CPLX1: variants seen among roughly 807,000 people sequenced by gnomAD.
CPLX1 encodes the protein complexin-1.
In CPLX1, 6 loss-of-function variants were observed where a neutral mutation model predicts 15.6. The observed-to-expected ratio is 0.39, with a 90% confidence interval of 0.21 to 0.76. The LOEUF (loss-of-function observed/expected upper bound fraction) is 0.76, where lower values mean the gene tolerates loss of function less well. Ranked by LOEUF, CPLX1 falls within the 30% of genes least tolerant of loss-of-function variation. The pLI is 0.43. For synonymous variants in CPLX1, 91 were observed against 75.2 expected (o/e 1.21, Z -1.08); for missense variants, 242 against 188.6 (o/e 1.28, Z -1.66).
chr4:824,462 C>T (rs1332086936), intron 2 of CPLX1, 30 bp downstream of exon 2: 5 of 1,600,916 alleles, frequency 3.1e-6, no homozygotes, highest in Non-Finnish European at 3.4e-6. Flanking sequence ...GTCCCCTCAG[C>T]CCCTCCCCAC....
intron 2 of CPLX1, among the ~76,000 whole-genome samples, chr4:792,980 C>G (rs1467095969): frequency 5.3e-5 from 8 of 152,144 alleles, no homozygotes; most frequent in African/African-American, 1.9e-4. Context: ...CGTGGTCGTA[C>G]ATCTGTATGT....
chr4:816,922 A>G (rs1418963416), intron 2 of CPLX1, among the ~76,000 whole-genome samples: 1 of 152,198 alleles, frequency 6.6e-6, no homozygotes, highest in East Asian at 1.9e-4. Context: ...ACACTGCATC[A>G]TTTTCAACTC....
chr4:817,724 G>A (rs1384861345), intron 2 of CPLX1, among the ~76,000 whole-genome samples: 2 of 151,580 alleles, frequency 1.3e-5, no homozygotes, highest in African/African-American at 4.9e-5. Flanking sequence ...CTTCCCTCAC[G>A]CCCCCTTGGC....
At chr4:789,976 C>T (rs1406442872) in intron 3 of CPLX1, among the ~76,000 whole-genome samples, 1 of 82,932 alleles carries the variant, frequency 1.2e-5, no homozygotes, top group Non-Finnish European at 2.4e-5. Context: ...CAGGTGGCCA[C>T]GCCTGAAGGC....
intron 2 of CPLX1, among the ~76,000 whole-genome samples, chr4:798,404 TAGTCC>T (rs202029887): frequency 0.01 from 1,511 of 150,476 alleles, 29 homozygotes; most frequent in African/African-American, 0.035. Context: ...AGGGTGAGGA[TAGTCC>T]TTACTTCTGT....
chr4:797,612 C>T (rs2152644547), intron 2 of CPLX1, among the ~76,000 whole-genome samples: 1 of 151,678 alleles, frequency 6.6e-6, no homozygotes, highest in East Asian at 2.0e-4. Context: ...AAGCGTGAGC[C>T]ACTGAGCCTG....
chr4:824,414 G>C, intron 2 of CPLX1, 78 bp downstream of exon 2: 2 of 1,313,890 alleles, frequency 1.5e-6, no homozygotes, highest in Non-Finnish European at 2.2e-6. Context: ...TGCTGCGGTG[G>C]GCCAGATGAG....
intron 2 of CPLX1, among the ~76,000 whole-genome samples, chr4:817,679 A>C (rs1387955619): frequency 6.6e-6 from 1 of 152,182 alleles, no homozygotes; most frequent in African/African-American, 2.4e-5. Flanking sequence ...GAGCATCAGG[A>C]ATCCCTACCC....
Position 809,391 on chromosome 4 carries a change from C to T in CPLX1, c.31+15101G>A, listed in dbSNP as rs1299037797. ...GCCAAGCCTCTGCCCTGTCTCACGC[C>T]CTTACTGAAACGGGCCCTGTGGCTG... On this transcript the variant is annotated intron_variant, in intron 2 of 3. Coordinates refer to ENST00000304062, the MANE Select transcript of CPLX1 (RefSeq NM_006651.4). 2.6e-5 allele frequency among the ~76,000 whole-genome samples: 4 copies of T among 152,258 alleles called. No individual in the cohort carries two copies. The East Asian group carries it at 7.7e-4, about 29-fold the overall frequency.
rs184485835 is a variant in CPLX1, at chr4:810,308, C to G, written c.31+14184G>C. Among the ~76,000 whole-genome samples, 82 of 152,320 alleles carry G rather than the reference C, an allele frequency of 5.4e-4. No individual in the cohort carries two copies. The East Asian group carries it at 0.014, about 27-fold the overall frequency. Reference sequence around the variant, plus strand: ...TCGTGATCCACCCGCCTCGGCCTCCCAAAGTGCTGGGATTACAGGCGTGAG... The same window carrying G: ...TCGTGATCCACCCGCCTCGGCCTCCGAAAGTGCTGGGATTACAGGCGTGAG... On this transcript the variant is annotated intron_variant, in intron 2 of 3. Coordinates refer to ENST00000304062, the MANE Select transcript of CPLX1 (RefSeq NM_006651.4).
chr4:792,367 G>T, intron 3 of CPLX1, 66 bp downstream of exon 3: 1 of 1,399,626 alleles, frequency 7.1e-7, no homozygotes. Flanking sequence ...TTCCACCCAG[G>T]CGGGATCTGG....
At chr4:803,731 C>T (rs543446963) in intron 2 of CPLX1, among the ~76,000 whole-genome samples, 3 of 151,744 alleles carry the variant, frequency 2.0e-5, no homozygotes, top group East Asian at 1.9e-4. Context: ...AGTGCAATGG[C>T]GTGATCTTGG....
chr4:799,584 T>C (rs1746412194), intron 2 of CPLX1, among the ~76,000 whole-genome samples: 2 of 152,134 alleles, frequency 1.3e-5, no homozygotes, highest in Non-Finnish European at 2.9e-5. Context: ...CTCTGTAGGC[T>C]GGGCATGGTG....
At chr4:808,576 T>A (rs376796466) in intron 2 of CPLX1, among the ~76,000 whole-genome samples, 20 of 152,182 alleles carry the variant, frequency 1.3e-4, no homozygotes, top group African/African-American at 4.8e-4. Flanking sequence ...GAAAGACAAA[T>A]GTCAAAAGAG....
Position 798,849 on chromosome 4 carries a change from C to G in CPLX1, c.32-6241G>C, listed in dbSNP as rs368558121. 2.3e-4 allele frequency among the ~76,000 whole-genome samples: 35 copies of G among 152,260 alleles called. 3 individuals carry two copies. In the South Asian group the frequency reaches 2.7e-3, roughly 12 times the overall value. ...TGTCAAAGCTGAAATTATACAACTTCTAGAAGAAAACAGAAGAGAAAATTT... is the reference window on the plus strand; with the variant it reads ...TGTCAAAGCTGAAATTATACAACTTGTAGAAGAAAACAGAAGAGAAAATTT... On this transcript the variant is annotated intron_variant, in intron 2 of 3. Transcript: ENST00000304062.
intron 3 of CPLX1, chr4:788,136 C>T: frequency 3.0e-6 from 3 of 985,372 alleles, no homozygotes; most frequent in Middle Eastern, 5.2e-4. Context: ...AGGAGCCCCT[C>T]CCCTGCCATC....
intron 2 of CPLX1, among the ~76,000 whole-genome samples, chr4:808,720 A>G (rs1235110125): frequency 6.6e-6 from 1 of 152,256 alleles, no homozygotes; most frequent in African/African-American, 2.4e-5. Context: ...ACACCCAGAC[A>G]GGAAATAAGA....
At chr4:818,085 T>C (rs1288443430) in intron 2 of CPLX1, among the ~76,000 whole-genome samples, 1 of 152,240 alleles carries the variant, frequency 6.6e-6, no homozygotes, top group African/African-American at 2.4e-5. Context: ...TTTTGGCTCC[T>C]GTTCTTGCAT....
chr4:787,416 C>T, intron 3 of CPLX1: 2 of 975,978 alleles, frequency 2.0e-6, no homozygotes, highest in Non-Finnish European at 2.4e-6. Context: ...TTCATATTGC[C>T]TGGAGCTTCA....
Sources: gnomAD v4.1 joint callset for allele counts (sites outside exome capture counted in the v4.1 genomes callset) on GRCh38, gnomAD v4.1.1 for gene constraint, MANE v1.5 for transcripts, NCBI Gene and HGNC (gene_info 2026-07-23, HGNC 2026-07-21) for gene names.